Variants in FARS2 observed in about 807,000 individuals in gnomAD.
The protein encoded by FARS2 is phenylalanyl-tRNA synthetase 2, mitochondrial, also known as phenylalanine--tRNA ligase, mitochondrial.
FARS2 carries 40 observed loss-of-function variants against 46.4 expected under a neutral mutation model. The observed-to-expected ratio is 0.86, with a 90% confidence interval of 0.67 to 1.12. The LOEUF is 1.12. Ranked by LOEUF, FARS2 falls within the 50% of genes most tolerant of loss-of-function variation. The probability of loss-of-function intolerance (pLI) is 0.00; values close to 1 mark genes in which losing one functional copy is unlikely to be tolerated. For synonymous variants in FARS2, 234 were observed against 214.9 expected (o/e 1.09, Z -0.78); for missense variants, 513 against 567.9 (o/e 0.90, Z 0.98).
At chr6:5,272,453 C>T (rs999221939) in intron 1 of FARS2, 1 of 152,098 alleles carries the variant, frequency 6.6e-6, no homozygotes, top group African/African-American at 2.4e-5. Flanking sequence ...GGAGGAAATG[C>T]AATCAGAGAA....
intron 6 of FARS2, among the ~76,000 whole-genome samples, chr6:5,742,095 G>A (rs1761379710): frequency 6.6e-6 from 1 of 152,196 alleles, no homozygotes; most frequent in Non-Finnish European, 1.5e-5. Context: ...AGACAGATCA[G>A]AGTCTCAATT....
intron 6 of FARS2, among the ~76,000 whole-genome samples, chr6:5,631,485 C>T (rs954861285): frequency 2.0e-5 from 3 of 152,212 alleles, no homozygotes; most frequent in African/African-American, 7.2e-5. Context: ...GTCCCTCTAA[C>T]CTTCAAAGCC....
At chr6:5,470,372 A>G (rs983999879) in intron 4 of FARS2, among the ~76,000 whole-genome samples, 2 of 152,228 alleles carry the variant, frequency 1.3e-5, no homozygotes, top group Non-Finnish European at 2.9e-5. Flanking sequence ...GCCATTTTAT[A>G]TGAGGGACTT....
At chr6:5,414,824 T>G (rs1375406926) in intron 3 of FARS2, among the ~76,000 whole-genome samples, 2 of 144,242 alleles carry the variant, frequency 1.4e-5, no homozygotes, top group South Asian at 2.4e-4. Context: ...TTTTTTTTTT[T>G]TTTTTTTTTG....
chr6:5,419,751 A>G (rs1418080701), intron 3 of FARS2, among the ~76,000 whole-genome samples: 2 of 152,066 alleles, frequency 1.3e-5, no homozygotes, highest in Non-Finnish European at 2.9e-5. Context: ...TCCTTCTGGC[A>G]CCGTCATGGA....
intron 6 of FARS2, among the ~76,000 whole-genome samples, chr6:5,716,587 T>C (rs1429750394): frequency 6.6e-6 from 1 of 152,218 alleles, no homozygotes; most frequent in Non-Finnish European, 1.5e-5. Flanking sequence ...ACTGTCTACC[T>C]GGAGGGCCCA....
chr6:5,634,708 G>A (rs891688615), intron 6 of FARS2, among the ~76,000 whole-genome samples: 5 of 152,174 alleles, frequency 3.3e-5, no homozygotes, highest in Admixed American at 2.0e-4. Context: ...GCAAAAGATA[G>A]CCTTACTCTC....
At chr6:5,619,814 C>G (rs1775670914) in intron 6 of FARS2, among the ~76,000 whole-genome samples, 1 of 151,980 alleles carries the variant, frequency 6.6e-6, no homozygotes, top group South Asian at 2.1e-4. Flanking sequence ...TCCTGTCTCC[C>G]TCTCTTCATT....
rs962902380 is a variant in FARS2, at chr6:5,630,126, A to C, written c.1217+16806A>C. Among the ~76,000 whole-genome samples the C allele has an allele frequency of 6.6e-6, 1 of 152,180 alleles. No individual in the cohort carries two copies. The highest frequency in any genetic ancestry group is 2.4e-5 in the African/African-American group (1 of 41,430). ...CCAGACATGACCCAAATGCCTGGTGAATGTCTAGAACAGGTGAAGAGCAAG... is the reference window on the plus strand; with the variant it reads ...CCAGACATGACCCAAATGCCTGGTGCATGTCTAGAACAGGTGAAGAGCAAG... On this transcript the variant is annotated intron_variant, in intron 6 of 6. Transcript: ENST00000274680. The surrounding 1 kb of genome is among the most constrained non-coding windows in gnomAD (Gnocchi z 4.2).
chr6:5,280,983 G>C (rs1158462288), intron 1 of FARS2, among the ~76,000 whole-genome samples: 1 of 152,030 alleles, frequency 6.6e-6, no homozygotes, highest in African/African-American at 2.4e-5. Flanking sequence ...ATTGTATTCT[G>C]TCAGATTGGC....
chr6:5,288,702 C>G (rs570335081), intron 1 of FARS2, among the ~76,000 whole-genome samples: 18 of 152,292 alleles, frequency 1.2e-4, no homozygotes, highest in African/African-American at 4.3e-4. Context: ...TGCTCTCATG[C>G]AGCTTCCATT....
intron 6 of FARS2, among the ~76,000 whole-genome samples, chr6:5,706,738 A>G (rs1191514594): frequency 3.9e-5 from 6 of 152,242 alleles, no homozygotes; most frequent in Non-Finnish European, 5.9e-5. Flanking sequence ...GGACTGAGAA[A>G]TGCATTCAGC....
intron 4 of FARS2, among the ~76,000 whole-genome samples, chr6:5,466,261 C>T (rs533274408): frequency 3.9e-5 from 6 of 152,162 alleles, no homozygotes; most frequent in Non-Finnish European, 7.3e-5. Context: ...ACAGATCCTG[C>T]CTCTGCCCCT....
chr6:5,420,199 A>G (rs1762465826), intron 3 of FARS2, among the ~76,000 whole-genome samples: 1 of 152,124 alleles, frequency 6.6e-6, no homozygotes, highest in Non-Finnish European at 1.5e-5. Context: ...TGATTCAATT[A>G]CTTCCCACTG....
intron 4 of FARS2, among the ~76,000 whole-genome samples, chr6:5,529,171 C>A (rs1037167137): frequency 6.6e-6 from 1 of 152,148 alleles, no homozygotes; most frequent in Non-Finnish European, 1.5e-5. Context: ...AGTGACCTAA[C>A]AGAGTTGATG....
At chr6:5,663,776 A>G (rs1777965523) in intron 6 of FARS2, among the ~76,000 whole-genome samples, 1 of 152,234 alleles carries the variant, frequency 6.6e-6, no homozygotes, top group Non-Finnish European at 1.5e-5. Context: ...AACAAGGAAG[A>G]TGTCTTTGAA....
At chr6:5,386,168 C>A (rs1443545654) in intron 2 of FARS2, among the ~76,000 whole-genome samples, 1 of 152,130 alleles carries the variant, frequency 6.6e-6, no homozygotes, top group African/African-American at 2.4e-5. Flanking sequence ...CCCAAAGAAT[C>A]TCAGACAAAA....
intron 1 of FARS2, among the ~76,000 whole-genome samples, chr6:5,288,598 G>A (rs1767289465): frequency 6.6e-6 from 1 of 152,170 alleles, no homozygotes; most frequent in Non-Finnish European, 1.5e-5. Flanking sequence ...ATATGTGGTT[G>A]GATTCTCCCA....
At chr6:5,465,807 T>A (rs997178983) in intron 4 of FARS2, among the ~76,000 whole-genome samples, 2 of 152,184 alleles carry the variant, frequency 1.3e-5, no homozygotes, top group African/African-American at 2.4e-5. Flanking sequence ...CATTAGCTTT[T>A]TTTATTTATT....
Sources: allele counts gnomAD v4.1 joint callset (sites outside exome capture counted in the v4.1 genomes callset), GRCh38; gene constraint gnomAD v4.1.1; non-coding constraint Gnocchi (gnomAD v3.1); transcripts MANE v1.5; gene names NCBI Gene and HGNC (gene_info 2026-07-23, HGNC 2026-07-21).